The following OTUD4 variants were observed in gnomAD, a reference collection of about 807,000 sequenced individuals.
OTUD4 encodes the protein OTU deubiquitinase 4, also known as OTU domain-containing protein 4.
In OTUD4, 24 loss-of-function variants were observed where a neutral mutation model predicts 130.4. That is an observed-to-expected ratio of 0.18 (90% confidence interval 0.13 to 0.26). The LOEUF (loss-of-function observed/expected upper bound fraction) is 0.26. Among genes scored for constraint, OTUD4 ranks in the 10% least tolerant of loss-of-function variants. The pLI is 1.00. For synonymous variants in OTUD4, 420 were observed against 472.5 expected (o/e 0.89, Z 1.44); for missense variants, 1,031 against 1,329.4 (o/e 0.78, Z 3.49).
At position 145,173,532 on chromosome 4, in the gene OTUD4, GAATT is replaced by G. The variant is rs1171168460; in HGVS notation, c.243+1125_243+1128del. Among the ~76,000 whole-genome samples the G allele has an allele frequency of 4.6e-5, 7 of 152,110 alleles. No homozygotes were observed. In the East Asian group the frequency reaches 9.6e-4, roughly 21 times the overall value. On this transcript the variant is annotated intron_variant, in intron 2 of 20. Coordinates refer to ENST00000447906, the MANE Select transcript of OTUD4 (RefSeq NM_001366057.1). ...ACCCTCTGGGGCCAATGATTAATAA[GAATT>G]AATTTAAAGACCATTCCACCTCCCC...
chr4:145,137,287 T>G lies in OTUD4; in HGVS notation c.*143A>C, dbSNP rs1003258280. Reference sequence around the variant, plus strand: ...CCTTGAACTCATGTCCAAAATGTCTTGTCCAGTATGGGAGTGAAGGTAAGG... The same window carrying G: ...CCTTGAACTCATGTCCAAAATGTCTGGTCCAGTATGGGAGTGAAGGTAAGG... On this transcript the variant is annotated 3_prime_UTR_variant, in exon 21 of 21. Transcript: ENST00000447906. 7.5e-5 allele frequency: 49 copies of G among 652,020 alleles called. No individual in the cohort carries two copies. The highest frequency in any genetic ancestry group is 1.2e-4 in the Non-Finnish European group (44 of 381,462). 40.4% of individuals were successfully genotyped at this position (652,020 alleles called of 1,614,324 possible).
At chr4:145,175,442 T>C (rs1308199254) in intron 1 of OTUD4, among the ~76,000 whole-genome samples, 4 of 152,246 alleles carry the variant, frequency 2.6e-5, no homozygotes, top group Non-Finnish European at 5.9e-5. Context: ...CCTCTCACTC[T>C]GCAGTTTACA....
Position 145,155,399 on chromosome 4 carries a change from T to A in OTUD4, c.873+12A>T, listed in dbSNP as rs1288387149. 1 of 1,601,832 alleles carries A rather than the reference T, an allele frequency of 6.2e-7. No individual in the cohort carries two copies. Among genetic ancestry groups the A allele is most frequent in the Non-Finnish European group, 8.5e-7 (1 of 1,173,252 alleles). Reference sequence around the variant, plus strand: ...AAGTAAAATCTCTTCTTCTTTTACATAAGTCACTTACTTGACATTTGTCTC... The same window carrying A: ...AAGTAAAATCTCTTCTTCTTTTACAAAAGTCACTTACTTGACATTTGTCTC... On this transcript the variant is annotated intron_variant, in intron 10 of 20. Transcript: ENST00000447906.
In OTUD4 at chr4:145,136,937, A is replaced by G. The variant is rs1227699319; in HGVS notation, c.*493T>C. On this transcript the variant is annotated 3_prime_UTR_variant, in exon 21 of 21. Transcript: ENST00000447906. ...AGTGTTTTAGGCTGAGAATTGTTTG[A>G]GCCCAGTTTATGACTAAGGCATTGC... 1 of 152,794 alleles carries G rather than the reference A, an allele frequency of 6.5e-6. No homozygotes were observed. The highest frequency in any genetic ancestry group is 1.5e-5 in the Non-Finnish European group (1 of 68,166). The allele number at this position is 152,794 out of a possible 1,614,324, so 9.5% of individuals were successfully genotyped here. A position where few individuals can be genotyped will look rare whatever the true frequency, so the allele number is the denominator to read the frequency against.
At chr4:145,175,098 G>A (rs1056179185) in intron 1 of OTUD4, among the ~76,000 whole-genome samples, 2 of 152,164 alleles carry the variant, frequency 1.3e-5, no homozygotes, top group East Asian at 1.9e-4. Flanking sequence ...GCTACGCCAC[G>A]CTCAACTTCA....
At chr4:145,169,954 G>A (rs1226607658) in intron 3 of OTUD4, among the ~76,000 whole-genome samples, 1 of 152,184 alleles carries the variant, frequency 6.6e-6, no homozygotes, top group Non-Finnish European at 1.5e-5. Context: ...GTAGGAAGAT[G>A]ACAAAGTACA....
intron 7 of OTUD4, 26 bp from the exon 8 acceptor site, chr4:145,156,022 G>C: frequency 6.3e-7 from 1 of 1,590,946 alleles, no homozygotes; most frequent in Non-Finnish European, 8.6e-7. Flanking sequence ...ACCATAATTG[G>C]GGCAGAAAAA....
At position 145,137,953 on chromosome 4, in the gene OTUD4, G is replaced by T; in HGVS notation, c.2822C>A (p.Ser941Tyr). Reference sequence around the variant, plus strand: ...TGCCGTATCTGCCTTTCGTGTCTGGGAAGATTGCTCTGTCCGGCCTTCGTC... The same window carrying T: ...TGCCGTATCTGCCTTTCGTGTCTGGTAAGATTGCTCTGTCCGGCCTTCGTC... ...KPDEGRTEQS[S>Y]QTRKADTALA... The change falls in exon 21 of 21, where the codon TCC becomes TAC. Residue 941 changes from serine (S) to tyrosine (Y), a missense_variant. Physicochemically the swap from Ser to Tyr is moderately radical, Grantham distance 144. Coordinates refer to ENST00000447906, the MANE Select transcript of OTUD4 (RefSeq NM_001366057.1). 4.3e-6 allele frequency: 7 copies of T among 1,614,186 alleles called. No individual in the cohort carries two copies. The highest frequency in any genetic ancestry group is 5.9e-6 in the Non-Finnish European group (7 of 1,180,052).
intron 3 of OTUD4, 89 bp from the exon 4 acceptor site, chr4:145,165,286 C>G: frequency 3.9e-6 from 3 of 768,220 alleles, no homozygotes; most frequent in Non-Finnish European, 6.7e-6. Flanking sequence ...ATACAGCATA[C>G]GTAATGAGTT....
intron 10 of OTUD4, 30 bp from the exon 11 acceptor site, chr4:145,152,665 A>AT (rs919236771): frequency 7.8e-7 from 1 of 1,284,558 alleles, no homozygotes; most frequent in Non-Finnish European, 1.1e-6. Context: ...TGAAAAGGAA[A>AT]AAAAAAATCA....
rs560632239 is a variant in OTUD4 at position 145,160,708 on chromosome 4, G to A, written c.497-1073C>T. On this transcript the variant is annotated intron_variant, in intron 6 of 20. Transcript: ENST00000447906. ...CACACCTGTAATTCCAGCTACGCAG[G>A]AGGCCGAGGCAGCAGAATCGCTTGA... is the stretch of plus-strand genomic sequence containing the variant. 3.3e-5 allele frequency among the ~76,000 whole-genome samples: 5 copies of A among 152,244 alleles called. No homozygotes were observed. In the South Asian group the frequency reaches 1.0e-3, roughly 32 times the overall value.
chr4:145,177,332 C>A (rs564280655), intron 1 of OTUD4, among the ~76,000 whole-genome samples: 9 of 152,322 alleles, frequency 5.9e-5, no homozygotes, highest in Non-Finnish European at 1.3e-4. Flanking sequence ...AAGATTTTGG[C>A]ACATACAATC....
intron 4 of OTUD4, 129 bp from the exon 5 acceptor site, chr4:145,164,355 A>G (rs1000233933): frequency 7.1e-6 from 3 of 423,226 alleles, no homozygotes; most frequent in Non-Finnish European, 1.3e-5. Context: ...TACAAAAGAC[A>G]ATAATGAGAT....
chr4:145,179,382 T>G (rs1158354869), intron 1 of OTUD4, among the ~76,000 whole-genome samples: 7 of 152,160 alleles, frequency 4.6e-5, no homozygotes, highest in Admixed American at 6.5e-5. Context: ...CAAAATATGT[T>G]CCACAAGTAA....
intron 3 of OTUD4, among the ~76,000 whole-genome samples, chr4:145,167,413 C>T (rs1419011785): frequency 6.6e-6 from 1 of 152,156 alleles, no homozygotes; most frequent in East Asian, 1.9e-4. Context: ...TTAAAATAAG[C>T]CTCAGCCTAA....
At chr4:145,170,855 A>G (rs1752125848) in intron 3 of OTUD4, 1 of 152,236 alleles carries the variant, frequency 6.6e-6, no homozygotes, top group Non-Finnish European at 1.5e-5. Flanking sequence ...TGAGAACGTT[A>G]GTTTTGTAAA....
intron 1 of OTUD4, among the ~76,000 whole-genome samples, chr4:145,175,650 T>G (rs2126812034): frequency 6.6e-6 from 1 of 151,986 alleles, no homozygotes; most frequent in South Asian, 2.1e-4. Context: ...GTTCAAGCGA[T>G]CTTCCTGCCT....
chr4:145,134,394 G>C lies in OTUD4; in HGVS notation c.*3036C>G, dbSNP rs747770854. 3 of 267,254 alleles carry C rather than the reference G, an allele frequency of 1.1e-5. No individual in the cohort carries two copies. Among genetic ancestry groups the C allele is most frequent in the East Asian group, 6.3e-5 (1 of 15,782 alleles). 16.6% of individuals were successfully genotyped at this position (267,254 alleles called of 1,614,324 possible). On this transcript the variant is annotated 3_prime_UTR_variant, in exon 21 of 21. Transcript: ENST00000447906. ...CCTCATCTAAAAATGAAGGTAAAAC[G>C]AAAGAGGCAAAAATAAATATTGCTA... is the stretch of plus-strand genomic sequence containing the variant.
chr4:145,164,429 T>A (rs892477351), intron 4 of OTUD4, among the ~76,000 whole-genome samples: 2 of 152,042 alleles, frequency 1.3e-5, no homozygotes, highest in African/African-American at 4.8e-5. Flanking sequence ...CAAATATTAT[T>A]TGTATATATA....
Sources: gnomAD v4.1 joint callset for allele counts (sites outside exome capture counted in the v4.1 genomes callset) on GRCh38, gnomAD v4.1.1 for gene constraint, MANE v1.5 for transcripts, NCBI Gene and HGNC (gene_info 2026-07-23, HGNC 2026-07-21) for gene names.